LIPC: variants seen among roughly 807,000 people sequenced by gnomAD.
LIPC encodes the protein lipase C, hepatic type.
A neutral mutation model predicts 50.7 loss-of-function variants in LIPC; 44 were observed. The observed-to-expected ratio is 0.87, with a 90% confidence interval of 0.68 to 1.11. LIPC has a LOEUF of 1.11. Among genes scored for constraint, LIPC ranks in the 50% most tolerant of loss-of-function variants. The pLI is 0.00. For synonymous variants in LIPC, 271 were observed against 256.4 expected (o/e 1.06, Z -0.54); for missense variants, 697 against 648.2 (o/e 1.08, Z -0.82).
intron 1 of LIPC, among the ~76,000 whole-genome samples, chr15:58,472,188 T>C (rs1447641841): frequency 6.7e-6 from 1 of 148,308 alleles, no homozygotes; most frequent in African/African-American, 2.5e-5. Flanking sequence ...GGACAATCAC[T>C]TGAACCTGGG....
intron 2 of LIPC, 29 bp downstream of exon 2, chr15:58,538,546 C>T (rs777666707): frequency 1.2e-6 from 2 of 1,605,680 alleles, no homozygotes; most frequent in Non-Finnish European, 1.7e-6. Flanking sequence ...CCGTTTTTCT[C>T]TCCGATTTCA....
chr15:58,528,775 C>T (rs1273288619), intron 1 of LIPC, among the ~76,000 whole-genome samples: 1 of 152,246 alleles, frequency 6.6e-6, no homozygotes, highest in Non-Finnish European at 1.5e-5. Context: ...GGAAAGGAAG[C>T]AGCAATCTTC....
chr15:58,560,979 T>A lies in LIPC; in HGVS notation c.1167T>A (p.Thr389=). The change falls in exon 7 of 9, where the codon ACT becomes ACA. Residue 389 remains threonine, a splice_region_variant and synonymous_variant. Coordinates refer to ENST00000299022, the MANE Select transcript of LIPC (RefSeq NM_000236.3). ...TKEKMQKIPI[T]LGKGIASNKT... is the part of the protein sequence containing the mutation. ...AGAAAATGCAGAAAATTCCCATCAC[T>A]CTGTGAGTAGGAGGTGTAGCCCCCT... 1 of 1,408,772 alleles carries A rather than the reference T, an allele frequency of 7.1e-7. No individual in the cohort carries two copies. Among genetic ancestry groups the A allele is most frequent in the Non-Finnish European group, 1.0e-6 (1 of 995,648 alleles). 87.3% of individuals were successfully genotyped at this position (1,408,772 alleles called of 1,614,324 possible). A position where few individuals can be genotyped will look rare whatever the true frequency, so the allele number is the denominator to read the frequency against.
At chr15:58,491,162 G>T (rs955823661) in intron 1 of LIPC, among the ~76,000 whole-genome samples, 3 of 152,136 alleles carry the variant, frequency 2.0e-5, no homozygotes, top group African/African-American at 7.2e-5. Flanking sequence ...GTGCACACAC[G>T]CCCGCCCCAT....
At chr15:58,565,524 G>C (rs1433958794) in intron 8 of LIPC, 2 of 1,325,868 alleles carry the variant, frequency 1.5e-6, no homozygotes, top group Middle Eastern at 2.9e-4. Flanking sequence ...TTGGTCTCAC[G>C]TGATCTTTGC....
intron 1 of LIPC, among the ~76,000 whole-genome samples, chr15:58,439,937 C>T (rs1893446967): frequency 6.6e-6 from 1 of 151,992 alleles, no homozygotes; most frequent in Non-Finnish European, 1.5e-5. Flanking sequence ...GGCTAGGGTG[C>T]TTCCTACAGA....
At chr15:58,462,998 G>C (rs1402684149) in intron 1 of LIPC, among the ~76,000 whole-genome samples, 8 of 152,192 alleles carry the variant, frequency 5.3e-5, no homozygotes, top group Admixed American at 5.2e-4. Flanking sequence ...CCCTCCTTTT[G>C]AAGTCCTTGT....
intron 1 of LIPC, among the ~76,000 whole-genome samples, chr15:58,536,122 T>C (rs1281621486): frequency 3.3e-5 from 5 of 152,172 alleles, no homozygotes; most frequent in African/African-American, 1.2e-4. Flanking sequence ...GGCAGTACGG[T>C]GCTGAGAGCA....
At chr15:58,497,586 C>T (rs1470209253) in intron 1 of LIPC, 2 of 152,138 alleles carry the variant, frequency 1.3e-5, no homozygotes, top group African/African-American at 4.8e-5. Flanking sequence ...ATGTGCTCCG[C>T]CGCTCTTCCA....
intron 1 of LIPC, among the ~76,000 whole-genome samples, chr15:58,462,724 A>C (rs1894398016): frequency 6.6e-6 from 1 of 152,026 alleles, no homozygotes. Flanking sequence ...CCTGTGTGGG[A>C]GGAGCACAGC....
chr15:58,471,305 T>A (rs1894789348), intron 1 of LIPC, among the ~76,000 whole-genome samples: 1 of 110,336 alleles, frequency 9.1e-6, no homozygotes, highest in Non-Finnish European at 1.8e-5. Context: ...CCTAGCTAAT[T>A]TTTTTTGTAT....
At chr15:58,457,642 G>A (rs747875016) in intron 1 of LIPC, among the ~76,000 whole-genome samples, 4 of 152,122 alleles carry the variant, frequency 2.6e-5, no homozygotes, top group Non-Finnish European at 4.4e-5. Flanking sequence ...GACTCAGGCC[G>A]CATCATTTTG....
intron 1 of LIPC, among the ~76,000 whole-genome samples, chr15:58,496,117 T>C (rs1891755553): frequency 6.6e-6 from 1 of 152,162 alleles, no homozygotes; most frequent in East Asian, 1.9e-4. Context: ...TGGTTCTCAG[T>C]GGTTCTCAAC....
chr15:58,459,813 G>C (rs181201652), intron 1 of LIPC, among the ~76,000 whole-genome samples: 1 of 152,240 alleles, frequency 6.6e-6, no homozygotes, highest in Non-Finnish European at 1.5e-5. Context: ...GAAGGACAGA[G>C]GTATCTGAGG....
At chr15:58,436,693 G>A in intron 1 of LIPC, 2 of 456,168 alleles carry the variant, frequency 4.4e-6, no homozygotes, top group South Asian at 3.1e-5. Flanking sequence ...AACAGAACAT[G>A]GCATGAGATG....
intron 1 of LIPC, among the ~76,000 whole-genome samples, chr15:58,512,463 A>G (rs771201418): frequency 3.3e-5 from 5 of 152,176 alleles, no homozygotes; most frequent in Non-Finnish European, 5.9e-5. Context: ...GTCCACGCAA[A>G]TCAGTCAGGA....
intron 1 of LIPC, among the ~76,000 whole-genome samples, chr15:58,469,933 A>AT (rs11369488): frequency 0.53 from 73,922 of 138,318 alleles, 20,228 homozygotes; most frequent in East Asian, 0.71. Flanking sequence ...TCTTCATGGA[A>AT]TTTTTTTTTT....
chr15:58,487,028 G>A (rs958988879), intron 1 of LIPC, among the ~76,000 whole-genome samples: 6 of 152,186 alleles, frequency 3.9e-5, no homozygotes, highest in Non-Finnish European at 7.3e-5. Context: ...ACTGTGCTAG[G>A]ATGATTATGG....
intron 1 of LIPC, among the ~76,000 whole-genome samples, chr15:58,441,446 A>G (rs1277547808): frequency 6.6e-6 from 1 of 152,238 alleles, no homozygotes; most frequent in Non-Finnish European, 1.5e-5. Flanking sequence ...TCCCACCTGC[A>G]TTATATGACT....
Sources: gnomAD v4.1 joint callset for allele counts (sites outside exome capture counted in the v4.1 genomes callset) on GRCh38, gnomAD v4.1.1 for gene constraint, MANE v1.5 for transcripts, NCBI Gene and HGNC (gene_info 2026-07-23, HGNC 2026-07-21) for gene names.